Variants in ADAMTS18 observed in about 807,000 individuals in gnomAD.
ADAMTS18 encodes the protein ADAM metallopeptidase with thrombospondin type 1 motif 18.
Under a neutral mutation model 165.9 loss-of-function variants are expected in ADAMTS18, and 157 were observed. The ratio of observed to expected loss-of-function variants is 0.95; its 90% CI spans 0.83 to 1.08. The LOEUF (loss-of-function observed/expected upper bound fraction) is 1.08, where lower values mean the gene tolerates loss of function less well. Ranked by LOEUF, ADAMTS18 falls within the 50% of genes least tolerant of loss-of-function variation. ADAMTS18 has a pLI of 0.00. For missense variants in ADAMTS18, 2,040 were observed against 1,534.0 expected (o/e 1.33, Z -5.51); for synonymous variants, 782 against 578.2 (o/e 1.35, Z -5.06).
At chr16:77,286,124 G>A (rs908492435) in intron 22 of ADAMTS18, among the ~76,000 whole-genome samples, 15 of 152,012 alleles carry the variant, frequency 9.9e-5, no homozygotes, top group Middle Eastern at 3.2e-3. Context: ...TCCAAGCATC[G>A]TGCCATTCCT....
intron 3 of ADAMTS18, among the ~76,000 whole-genome samples, chr16:77,368,990 A>C (rs894652596): frequency 1.2e-4 from 19 of 152,084 alleles, no homozygotes; most frequent in Non-Finnish European, 5.9e-5. Flanking sequence ...CAAATGTTGT[A>C]CTCTATCTTC....
At chr16:77,296,105 TATGAAG>T (rs2055466792) in intron 18 of ADAMTS18, among the ~76,000 whole-genome samples, 1 of 152,108 alleles carries the variant, frequency 6.6e-6, no homozygotes, top group Non-Finnish European at 1.5e-5. Context: ...AAACACTACT[TATGAAG>T]ATGATCTAAA....
At chr16:77,379,636 G>A (rs998788363) in intron 3 of ADAMTS18, among the ~76,000 whole-genome samples, 9 of 152,024 alleles carry the variant, frequency 5.9e-5, no homozygotes, top group South Asian at 2.1e-4. Context: ...CTACAGGTGC[G>A]TGCCACCACA....
At chr16:77,284,942 G>T (rs17769663) in intron 22 of ADAMTS18, among the ~76,000 whole-genome samples, 1 of 151,146 alleles carries the variant, frequency 6.6e-6, no homozygotes, top group South Asian at 2.1e-4. Flanking sequence ...TGAAAAAGCC[G>T]GGTCTCCAAC....
intron 10 of ADAMTS18, among the ~76,000 whole-genome samples, chr16:77,343,822 T>G (rs2056435031): frequency 6.6e-6 from 1 of 152,162 alleles, no homozygotes; most frequent in African/African-American, 2.4e-5. Flanking sequence ...TTGTGAAAGG[T>G]CAAAGTGACC....
At chr16:77,381,886 T>C (rs2057036194) in intron 3 of ADAMTS18, among the ~76,000 whole-genome samples, 1 of 152,324 alleles carries the variant, frequency 6.6e-6, no homozygotes, top group East Asian at 1.9e-4. Flanking sequence ...CTGTGTTTAG[T>C]GGAGACACTG....
chr16:77,336,529 T>C (rs1448822029), intron 11 of ADAMTS18, among the ~76,000 whole-genome samples: 1 of 152,220 alleles, frequency 6.6e-6, no homozygotes, highest in East Asian at 1.9e-4. Context: ...TCAGATAGCA[T>C]CCTTTTTCCT....
rs1555507097 is a variant in ADAMTS18, at chr16:77,282,906, C to CTTTTTTTTTTTTTT, written c.*1036_*1049dup. 1.9e-4 allele frequency: 15 copies of CTTTTTTTTTTTTTT among 77,578 alleles called. No individual in the cohort carries two copies. Among genetic ancestry groups the CTTTTTTTTTTTTTT allele is most frequent in the Middle Eastern group, 9.1e-3 (1 of 110 alleles). The allele number at this position is 77,578 out of a possible 1,614,324, so 4.8% of individuals were successfully genotyped here. On this transcript the variant is annotated 3_prime_UTR_variant, in exon 23 of 23. Coordinates refer to ENST00000282849, the MANE Select transcript of ADAMTS18 (RefSeq NM_199355.4). ...CCACTGTTTACTCCTTTCTTTCTCT[C>CTTTTTTTTTTTTTT]TTTTTTTTTTTTTTTTTTTTGCTGT...
intron 3 of ADAMTS18, among the ~76,000 whole-genome samples, chr16:77,383,016 A>G (rs1321208388): frequency 2.6e-5 from 4 of 152,146 alleles, no homozygotes; most frequent in African/African-American, 9.7e-5. Flanking sequence ...CTTTGCTCCA[A>G]ACTGACATCC....
At chr16:77,372,817 C>T (rs1475516571) in intron 3 of ADAMTS18, among the ~76,000 whole-genome samples, 3 of 152,138 alleles carry the variant, frequency 2.0e-5, no homozygotes, top group South Asian at 2.1e-4. Context: ...TTTCTATTGA[C>T]GTCCCAAATC....
At chr16:77,299,709 C>G (rs1053622252) in intron 17 of ADAMTS18, among the ~76,000 whole-genome samples, 2 of 152,232 alleles carry the variant, frequency 1.3e-5, no homozygotes, top group African/African-American at 4.8e-5. Context: ...CTTCTACTCA[C>G]CCAGTAGATG....
rs1375091274 is a variant in ADAMTS18 at position 77,300,330 on chromosome 16, T to C, written c.2607A>G (p.Pro869=). 6.2e-6 allele frequency: 10 copies of C among 1,614,088 alleles called. No homozygotes were observed. Among genetic ancestry groups the C allele is most frequent in the Non-Finnish European group, 8.5e-6 (10 of 1,179,992 alleles). ...ALPKVMNGTP[P]ATKRPAYTWS... is the part of the protein sequence containing the mutation. Reference sequence around the variant, plus strand: ...AGGTATAGGCAGGTCTTTTTGTGGCTGGTGGAGTTCCATTCATGACCTTGG... The same window carrying C: ...AGGTATAGGCAGGTCTTTTTGTGGCCGGTGGAGTTCCATTCATGACCTTGG... Residue 869 remains proline, a synonymous_variant, in exon 17 of 23, where the codon CCA becomes CCG. Transcript: ENST00000282849.
chr16:77,418,566 C>A (rs1232025490), intron 3 of ADAMTS18, among the ~76,000 whole-genome samples: 1 of 152,158 alleles, frequency 6.6e-6, no homozygotes, highest in Non-Finnish European at 1.5e-5. Flanking sequence ...GACAGCTTCC[C>A]CCTAGAAAGA....
At chr16:77,374,164 C>T (rs2056917081) in intron 3 of ADAMTS18, among the ~76,000 whole-genome samples, 1 of 150,192 alleles carries the variant, frequency 6.7e-6, no homozygotes, top group Admixed American at 6.7e-5. Context: ...GTTTGCAGCG[C>T]ACTGAGATTG....
At chr16:77,397,244 A>C (rs558382184) in intron 3 of ADAMTS18, among the ~76,000 whole-genome samples, 17 of 152,198 alleles carry the variant, frequency 1.1e-4, no homozygotes, top group Non-Finnish European at 2.4e-4. Flanking sequence ...GAAAGGAGAA[A>C]CTTTGTGTAT....
At chr16:77,431,259 A>T (rs749218673) in intron 3 of ADAMTS18, 36 bp downstream of exon 3, 2 of 1,612,934 alleles carry the variant, frequency 1.2e-6, no homozygotes, top group South Asian at 2.2e-5. Flanking sequence ...ACAAAACACG[A>T]AAGAGGGAGC....
chr16:77,375,109 C>G (rs896616683), intron 3 of ADAMTS18, among the ~76,000 whole-genome samples: 7 of 152,096 alleles, frequency 4.6e-5, no homozygotes, highest in Non-Finnish European at 1.0e-4. Context: ...TCTGTGGTCT[C>G]CCGTGGCCTC....
At chr16:77,325,658 CAA>C (rs2056080366) in intron 13 of ADAMTS18, among the ~76,000 whole-genome samples, 1 of 139,504 alleles carries the variant, frequency 7.2e-6, no homozygotes, top group South Asian at 2.3e-4. Flanking sequence ...ATGTGGGAGA[CAA>C]GAGGTATCTT....
rs2057603608 is a variant in ADAMTS18 at position 77,421,598 on chromosome 16, A to C, written c.495+9697T>G. Among the ~76,000 whole-genome samples, 4 of 152,248 alleles carry C rather than the reference A, an allele frequency of 2.6e-5. No individual in the cohort carries two copies. The South Asian group carries it at 8.3e-4, about 32-fold the overall frequency. Reference sequence around the variant, plus strand: ...CACTGCCCTAGGCTCATGGAAAACAAGGATGAAATGAGTTCTCAGTAACTT... The same window carrying C: ...CACTGCCCTAGGCTCATGGAAAACACGGATGAAATGAGTTCTCAGTAACTT... On this transcript the variant is annotated intron_variant, in intron 3 of 22. Transcript: ENST00000282849.
Sources: gnomAD v4.1 joint callset for allele counts (sites outside exome capture counted in the v4.1 genomes callset) on GRCh38, gnomAD v4.1.1 for gene constraint, MANE v1.5 for transcripts, NCBI Gene and HGNC (gene_info 2026-07-23, HGNC 2026-07-21) for gene names.